The following ZNF48 variants were observed in gnomAD, a reference collection of about 807,000 sequenced individuals.
The protein encoded by ZNF48 is zinc finger protein 553.
A neutral mutation model predicts 40.0 loss-of-function variants in ZNF48; 20 were observed. The observed-to-expected ratio is 0.50, with a 90% confidence interval of 0.35 to 0.73. The LOEUF is 0.73. ZNF48 is among the 30% of genes least tolerant of loss of function. ZNF48 has a pLI of 0.01. For missense variants in ZNF48, 726 were observed against 851.9 expected, an observed-to-expected ratio of 0.85 and a Z score of 1.84; for synonymous variants, 298 against 329.7, an observed-to-expected ratio of 0.90 and a Z score of 1.04.
rs1251149457 is a variant in ZNF48 at position 30,398,320 on chromosome 16, G to A, written c.1070G>A (p.Arg357Lys). The change falls in exon 3 of 3, where the codon AGG becomes AAG. Residue 357 changes from arginine to lysine, a missense_variant. Physicochemically the swap from Arg to Lys is conservative, Grantham distance 26. Transcript: ENST00000613509. The surrounding 1 kb of genome is among the most constrained non-coding windows in gnomAD (Gnocchi z 6.6). The part of the protein sequence containing the change: ...VKHLRTHSGE[R>K]PHACPECDRT... ...CACCTCCGCACCCACAGTGGCGAGA[G>A]GCCCCATGCCTGCCCGGAATGCGAC... 6.2e-7 allele frequency: 1 copy of A among 1,613,352 alleles called. No homozygotes were observed. The highest frequency in any genetic ancestry group is 1.3e-5 in the African/African-American group (1 of 74,828).
chr16:30,394,962 C>T (rs1276051139), upstream of ZNF48: 1 of 239,588 alleles, frequency 4.2e-6, no homozygotes, highest in Admixed American at 4.8e-5. Flanking sequence ...CCATACCCAC[C>T]CCCACCCCGG....
Position 30,381,612 on chromosome 16 carries a change from T to G in ZNF48, c.-16+3202T>G. ...TAAGGGGAACTGGTGGGGGCCTAGG[T>G]GAGTCATCAAGAAGCACAGGGACCC... On this transcript the variant is annotated intron_variant, in intron 1 of 2. Transcript: ENST00000528032. This position sits in a 1 kb window ranked among gnomAD's most constrained non-coding sequence, Gnocchi z 4.3. The G allele has an allele frequency of 6.9e-7, 1 of 1,457,460 alleles. No homozygotes were observed. Among genetic ancestry groups the G allele is most frequent in the Non-Finnish European group, 9.4e-7 (1 of 1,066,044 alleles). The allele number at this position is 1,457,460 out of a possible 1,614,324, so 90.3% of individuals were successfully genotyped here.
intron 1 of ZNF48, chr16:30,379,614 G>A (rs1034681551): frequency 3.0e-6 from 2 of 661,964 alleles, no homozygotes; most frequent in Non-Finnish European, 5.3e-6. Flanking sequence ...CTCCACACCC[G>A]CCTCCTCTGC....
intron 1 of ZNF48, among the ~76,000 whole-genome samples, chr16:30,387,090 C>T (rs2049906679): frequency 6.6e-6 from 1 of 150,936 alleles, no homozygotes; most frequent in African/African-American, 2.4e-5. Flanking sequence ...CTACAGGTGC[C>T]CACCACCATG....
In ZNF48 at chr16:30,395,421, CCCGCCCCCGGTGG is replaced by C. The variant is rs1036186436; in HGVS notation, c.-162_-150del. On this transcript the variant is annotated 5_prime_UTR_variant, in exon 1 of 3. Transcript: ENST00000613509. The surrounding 1 kb of genome is among the most constrained non-coding windows in gnomAD (Gnocchi z 5.9). The stretch of plus-strand genomic sequence containing the variant: ...CGGCCCCGCGCTTCCGCTTCCCGTC[CCCGCCCCCGGTGG>C]CCGCCCCCGGGACGCCTGGGTCCGA... 10 of 362,376 alleles carry C rather than the reference CCCGCCCCCGGTGG, an allele frequency of 2.8e-5. No homozygotes were observed. The highest frequency in any genetic ancestry group is 9.6e-5 in the South Asian group (5 of 52,298). 22.4% of individuals were successfully genotyped at this position (362,376 alleles called of 1,614,324 possible). A position where few individuals can be genotyped will look rare whatever the true frequency, so the allele number is the denominator to read the frequency against.
intron 1 of ZNF48, chr16:30,379,285 G>A: frequency 6.6e-7 from 1 of 1,515,050 alleles, no homozygotes; most frequent in East Asian, 2.3e-5. Context: ...CACTCTAGCG[G>A]AGGGTCCGCG....
rs767019008 is a variant in ZNF48 at position 30,398,746 on chromosome 16, G to A, written c.1496G>A (p.Arg499His). The change falls in exon 3 of 3, where the codon CGC becomes CAC. Residue 499 changes from arginine (R) to histidine (H), a missense_variant. By Grantham distance (29) the Arg-to-His change is conservative. Around this residue, in one of 5 missense-constraint regions of ZNF48, gnomAD observed 25 missense variants for 51.5 expected, o/e 0.49. Transcript: ENST00000613509. This position sits in a 1 kb window ranked among gnomAD's most constrained non-coding sequence, Gnocchi z 6.6. The part of the protein sequence containing the change: ...ADSSARVKHL[R>H]THRGERARPP... ...AGCTCAGCCCGAGTCAAGCACCTCC[G>A]CACCCACCGTGGTGAACGGGCCCGG... 4.3e-6 allele frequency: 7 copies of A among 1,613,818 alleles called. No homozygotes were observed. The highest frequency in any genetic ancestry group is 1.1e-5 in the South Asian group (1 of 91,080).
chr16:30,378,396 G>A, exon 1 of ZNF48: 4 of 1,522,742 alleles, frequency 2.6e-6, no homozygotes, highest in Non-Finnish European at 3.5e-6. Flanking sequence ...GAGGCCGACT[G>A]AAGGCGGAGC....
At chr16:30,394,676 G>C (rs1016017217), upstream of ZNF48, 1 of 153,012 alleles carries the variant, frequency 6.5e-6, no homozygotes, top group Non-Finnish European at 1.5e-5. Flanking sequence ...GCCTCTTACT[G>C]CTCCTCGGAC....
chr16:30,396,544 G>A (rs1262452762), intron 2 of ZNF48, among the ~76,000 whole-genome samples: 1 of 152,060 alleles, frequency 6.6e-6, no homozygotes, highest in Non-Finnish European at 1.5e-5. Context: ...CAGGATAACT[G>A]ATGTAATAAA....
intron 1 of ZNF48, among the ~76,000 whole-genome samples, chr16:30,389,005 AAT>A (rs2049921529): frequency 6.6e-6 from 1 of 152,224 alleles, no homozygotes; most frequent in Non-Finnish European, 1.5e-5. Context: ...TCACGCCTGT[AAT>A]CCCAGCACTT....
Position 30,398,838 on chromosome 16 carries a change from C to A in ZNF48, c.1588C>A (p.Pro530Thr). 6.2e-7 allele frequency: 1 copy of A among 1,613,882 alleles called. No homozygotes were observed. The highest frequency in any genetic ancestry group is 1.6e-4 in the Middle Eastern group (1 of 6,062). Residue 530 changes from proline to threonine, a missense_variant, in exon 3 of 3, where the codon CCC becomes ACC. By Grantham distance (38) the Pro-to-Thr change is conservative. Coordinates refer to ENST00000613509, the MANE Select transcript of ZNF48 (RefSeq NM_001214909.2). This position sits in a 1 kb window ranked among gnomAD's most constrained non-coding sequence, Gnocchi z 6.6. Reference protein sequence around the residue: ...PPGPVPMAPRPRVRAQPSGPS... With the variant: ...PPGPVPMAPRTRVRAQPSGPS... Reference sequence around the variant, plus strand: ...TGGCCCAGTACCCATGGCCCCTCGACCCCGAGTTCGGGCCCAGCCTTCTGG... The same window carrying A: ...TGGCCCAGTACCCATGGCCCCTCGAACCCGAGTTCGGGCCCAGCCTTCTGG...
intron 1 of ZNF48, chr16:30,383,074 G>A (rs2049871881): frequency 2.1e-6 from 1 of 474,664 alleles, no homozygotes; most frequent in Non-Finnish European, 3.9e-6. Context: ...CCCAGCTACT[G>A]GGGAGGCTGA....
At chr16:30,385,437 C>A (rs2049893951) in intron 1 of ZNF48, among the ~76,000 whole-genome samples, 1 of 151,198 alleles carries the variant, frequency 6.6e-6, no homozygotes, top group African/African-American at 2.4e-5. Context: ...CCATCCTGGC[C>A]AACATGGTGA....
Position 30,381,338 on chromosome 16 carries a change from C to T in ZNF48, c.-16+2928C>T. 1 of 1,612,300 alleles carries T rather than the reference C, an allele frequency of 6.2e-7. No individual in the cohort carries two copies. The highest frequency in any genetic ancestry group is 8.5e-7 in the Non-Finnish European group (1 of 1,179,000). ...CAGCCCCCAGGATCCCCCCACCAGA[C>T]CCCCGGCCGAAGGGTGAGATGAAGT... is the stretch of plus-strand genomic sequence containing the variant. On this transcript the variant is annotated intron_variant, in intron 1 of 2. Transcript: ENST00000528032. This position sits in a 1 kb window ranked among gnomAD's most constrained non-coding sequence, Gnocchi z 4.3.
At position 30,399,116 on chromosome 16, in the gene ZNF48, A is replaced by G; in HGVS notation, c.*9A>G. 6.4e-7 allele frequency: 1 copy of G among 1,559,152 alleles called. No homozygotes were observed. Reference sequence around the variant, plus strand: ...CAACAGGACTGGAATGACGCGGTCCAGGGAGGGCGGAGGCCCAGGAGACCA... The same window carrying G: ...CAACAGGACTGGAATGACGCGGTCCGGGGAGGGCGGAGGCCCAGGAGACCA... On this transcript the variant is annotated 3_prime_UTR_variant, in exon 3 of 3. Coordinates refer to ENST00000613509, the MANE Select transcript of ZNF48 (RefSeq NM_001214909.2).
intron 1 of ZNF48, chr16:30,378,439 G>A: frequency 1.3e-6 from 2 of 1,571,278 alleles, no homozygotes; most frequent in Non-Finnish European, 1.7e-6. Context: ...TGGCCTCAGA[G>A]GGCGTCTGAC....
In ZNF48 at chr16:30,395,754, G is replaced by A; in HGVS notation, c.-15-26G>A. The A allele has an allele frequency of 6.9e-7, 1 of 1,458,488 alleles. No homozygotes were observed. The highest frequency in any genetic ancestry group is 9.1e-7 in the Non-Finnish European group (1 of 1,099,388). 90.3% of individuals were successfully genotyped at this position (1,458,488 alleles called of 1,614,324 possible). A position where few individuals can be genotyped will look rare whatever the true frequency, so the allele number is the denominator to read the frequency against. On this transcript the variant is annotated intron_variant, in intron 1 of 2. Transcript: ENST00000613509. This position sits in a 1 kb window ranked among gnomAD's most constrained non-coding sequence, Gnocchi z 5.9. ...GGGCCACACATGGCTGCGTGACCGCGGGATGCTGTCTGTCCCCTTGCTCAG... is the reference window on the plus strand; with the variant it reads ...GGGCCACACATGGCTGCGTGACCGCAGGATGCTGTCTGTCCCCTTGCTCAG...
At chr16:30,379,016 A>T in intron 1 of ZNF48, 1 of 1,612,434 alleles carries the variant, frequency 6.2e-7, no homozygotes, top group Non-Finnish European at 8.5e-7. Flanking sequence ...CCCGGGTCTC[A>T]CCTGCGGCTG....
Sources: gnomAD v4.1 joint callset for allele counts (sites outside exome capture counted in the v4.1 genomes callset) on GRCh38, gnomAD v4.1.1 for gene constraint, gnomAD v4.1.1 regional missense constraint, Gnocchi (gnomAD v3.1) non-coding constraint, MANE v1.5 for transcripts, NCBI Gene and HGNC (gene_info 2026-07-23, HGNC 2026-07-21) for gene names.